SCN2A: variants seen among roughly 807,000 people sequenced by gnomAD.
SCN2A encodes the protein sodium voltage-gated channel alpha subunit 2, also known as sodium channel protein type 2 subunit alpha.
In SCN2A, 20 loss-of-function variants were observed where a neutral mutation model predicts 188.7. That is an observed-to-expected ratio of 0.11 (90% CI 0.07 to 0.15). The LOEUF is 0.15. SCN2A is among the 10% of genes least tolerant of loss of function. SCN2A has a pLI of 1.00. For missense variants in SCN2A, 1,278 were observed against 2,445.0 expected, an observed-to-expected ratio of 0.52 and a Z score of 10.07; for synonymous variants, 804 against 833.1, an observed-to-expected ratio of 0.97 and a Z score of 0.60.
At chr2:165,261,647 C>T (rs1199114566) in intron 1 of SCN2A, among the ~76,000 whole-genome samples, 1 of 152,174 alleles carries the variant, frequency 6.6e-6, no homozygotes, top group Middle Eastern at 3.2e-3. Flanking sequence ...TTCATATTGA[C>T]CTTTGTTGAT....
chr2:165,376,171 A>C (rs1368374352), intron 22 of SCN2A, among the ~76,000 whole-genome samples: 2 of 151,928 alleles, frequency 1.3e-5, no homozygotes, highest in African/African-American at 4.8e-5. Flanking sequence ...ACTTGAAAAT[A>C]GCTAAGTGAG....
chr2:165,254,183 G>T (rs2106073596), intron 1 of SCN2A, among the ~76,000 whole-genome samples: 1 of 151,696 alleles, frequency 6.6e-6, no homozygotes, highest in East Asian at 1.9e-4. Context: ...TGTGATATCT[G>T]TTAGATGACT....
In SCN2A at chr2:165,295,924, C is replaced by T. The variant is rs1553564177; in HGVS notation, c.101C>T (p.Ala34Val). The part of the protein sequence containing the change: ...AIEQRIAEEK[A>V]KRPKQERKDE... ...GAACAACGCATTGCAGAAGAGAAAG[C>T]TAAGAGACCCAAACAGGAACGCAAG... Residue 34 changes from alanine to valine, a missense_variant, in exon 2 of 27, where the codon GCT (alanine) becomes GTT (valine). This residue lies in a region of SCN2A where 141 missense variants were observed against 185.4 expected (regional missense o/e 0.76). Coordinates refer to ENST00000375437, the MANE Select transcript of SCN2A (RefSeq NM_001040142.2). 1 of 1,614,090 alleles carries T rather than the reference C, an allele frequency of 6.2e-7. No individual in the cohort carries two copies. Among genetic ancestry groups the T allele is most frequent in the South Asian group, 1.1e-5 (1 of 91,060 alleles).
chr2:165,275,129 T>G (rs1695279385), intron 1 of SCN2A, among the ~76,000 whole-genome samples: 1 of 152,218 alleles, frequency 6.6e-6, no homozygotes, highest in Non-Finnish European at 1.5e-5. Context: ...TTTTATTGCA[T>G]TCGTTCAATG....
At chr2:165,304,003 A>C (rs1407597316) in intron 3 of SCN2A, among the ~76,000 whole-genome samples, 1 of 152,190 alleles carries the variant, frequency 6.6e-6, no homozygotes, top group Admixed American at 6.5e-5. Context: ...ACCATTGCCG[A>C]GTCCATAATG....
intron 20 of SCN2A, chr2:165,372,632 T>G (rs1412157042): frequency 6.6e-6 from 1 of 152,228 alleles, no homozygotes; most frequent in East Asian, 1.9e-4. Context: ...AATTTCTAAT[T>G]TATCATAAAA....
At chr2:165,304,032 C>G (rs1696983491) in intron 3 of SCN2A, among the ~76,000 whole-genome samples, 1 of 152,058 alleles carries the variant, frequency 6.6e-6, no homozygotes, top group South Asian at 2.1e-4. Context: ...TTGCATAAGG[C>G]TGTTAATTTC....
intron 20 of SCN2A, chr2:165,371,838 A>T (rs1701047646): frequency 6.6e-6 from 1 of 152,196 alleles, no homozygotes; most frequent in African/African-American, 2.4e-5. Flanking sequence ...GAATGACGGA[A>T]TAGAAAGGAG....
At chr2:165,338,540 A>T (rs1343991162) in intron 14 of SCN2A, among the ~76,000 whole-genome samples, 1 of 152,100 alleles carries the variant, frequency 6.6e-6, no homozygotes, top group East Asian at 1.9e-4. Context: ...GATTACAGGC[A>T]TGAGCCACCA....
At chr2:165,285,477 C>A (rs1309450475) in intron 1 of SCN2A, 2 of 163,056 alleles carry the variant, frequency 1.2e-5, no homozygotes, top group Middle Eastern at 3.1e-3. Flanking sequence ...ATACTACAAG[C>A]AGTATTTTTA....
chr2:165,377,618 G>C lies in SCN2A; in HGVS notation c.4276G>C (p.Asp1426His). ...LQVATFKGWMDIMYAAVDSRN... is the reference protein window; with the variant it reads ...LQVATFKGWMHIMYAAVDSRN... ...ACAGGCCACGTTTAAGGGATGGATG[G>C]ATATTATGTATGCAGCTGTTGATTC... Residue 1426 changes from aspartate (D) to histidine (H), a missense_variant, in exon 23 of 27, where the codon GAT (aspartate) becomes CAT (histidine). This residue lies in a region of SCN2A where 97 missense variants were observed against 266.1 expected (regional missense o/e 0.36). Coordinates refer to ENST00000375437, the MANE Select transcript of SCN2A (RefSeq NM_001040142.2). 3 of 1,607,354 alleles carry C rather than the reference G, an allele frequency of 1.9e-6. No individual in the cohort carries two copies. Among genetic ancestry groups the C allele is most frequent in the Non-Finnish European group, 2.6e-6 (3 of 1,176,068 alleles).
intron 14 of SCN2A, among the ~76,000 whole-genome samples, chr2:165,341,616 G>A (rs1699325929): frequency 6.6e-6 from 1 of 152,164 alleles, no homozygotes; most frequent in African/African-American, 2.4e-5. Context: ...GATGTAAGTA[G>A]TCTAGTAGAT....
At chr2:165,346,689 A>G (rs1166134441) in intron 16 of SCN2A, among the ~76,000 whole-genome samples, 1 of 152,156 alleles carries the variant, frequency 6.6e-6, no homozygotes, top group African/African-American at 2.4e-5. Flanking sequence ...ATGGGAGAAA[A>G]TTTTTGCAAT....
chr2:165,379,367 C>T (rs1701483153), intron 23 of SCN2A, among the ~76,000 whole-genome samples: 1 of 151,614 alleles, frequency 6.6e-6, no homozygotes, highest in Non-Finnish European at 1.5e-5. Flanking sequence ...ATTGACAAAA[C>T]TAAGCTTATT....
chr2:165,252,307 T>C (rs1375473507), intron 1 of SCN2A, among the ~76,000 whole-genome samples: 1 of 152,078 alleles, frequency 6.6e-6, no homozygotes, highest in East Asian at 1.9e-4. Flanking sequence ...TGTCAACATT[T>C]GAAGAAAACA....
chr2:165,269,237 C>T (rs906132979), intron 1 of SCN2A: 4 of 152,030 alleles, frequency 2.6e-5, no homozygotes, highest in East Asian at 1.9e-4. Flanking sequence ...TATTAAGTTG[C>T]ACACTGTAAA....
chr2:165,267,016 A>G (rs1559326035), intron 1 of SCN2A: 1 of 152,094 alleles, frequency 6.6e-6, no homozygotes, highest in African/African-American at 2.4e-5. Context: ...GACACACATA[A>G]AAAGAAAGAT....
intron 1 of SCN2A, among the ~76,000 whole-genome samples, chr2:165,282,901 G>A (rs1695644055): frequency 6.6e-6 from 1 of 152,308 alleles, no homozygotes; most frequent in East Asian, 1.9e-4. Context: ...TTATGACATA[G>A]TGTATGAGAG....
chr2:165,285,964 G>T, intron 1 of SCN2A: 1 of 217,086 alleles, frequency 4.6e-6, no homozygotes, highest in South Asian at 8.3e-5. Flanking sequence ...TATTGCAGAG[G>T]ACTGTAGACA....
Sources: gnomAD v4.1 joint callset for allele counts (sites outside exome capture counted in the v4.1 genomes callset) on GRCh38, gnomAD v4.1.1 for gene constraint, gnomAD v4.1.1 regional missense constraint, MANE v1.5 for transcripts, NCBI Gene and HGNC (gene_info 2026-07-23, HGNC 2026-07-21) for gene names.